The following SGTA variants were observed in gnomAD, a reference collection of about 807,000 sequenced individuals.
The protein encoded by SGTA is small glutamine-rich tetratricopeptide repeat-containing protein alpha.
Under a neutral mutation model 44.3 loss-of-function variants are expected in SGTA, and 22 were observed. The ratio of observed to expected loss-of-function variants is 0.50; its 90% CI spans 0.36 to 0.71. The LOEUF (loss-of-function observed/expected upper bound fraction) is 0.71. SGTA is among the 30% of genes least tolerant of loss of function. SGTA has a pLI of 0.00. For missense variants in SGTA, 341 were observed against 435.9 expected, an observed-to-expected ratio of 0.78 and a Z score of 1.94; for synonymous variants, 174 against 177.6, an observed-to-expected ratio of 0.98 and a Z score of 0.16.
At position 2,761,865 on chromosome 19, in the gene SGTA, CTA is replaced by C. The variant is rs1391715856; in HGVS notation, c.637-345_637-344del. On this transcript the variant is annotated intron_variant, in intron 7 of 11. Transcript: ENST00000221566. The surrounding 1 kb of genome is among the most constrained non-coding windows in gnomAD (Gnocchi z 5.7). The stretch of plus-strand genomic sequence containing the variant: ...CGCGACCGCCCGGGGACGGCACAGT[CTA>C]TCATCCCGTGTTTATTCCCCGTACA... 6.1e-3 allele frequency among the ~76,000 whole-genome samples: 906 copies of C among 147,694 alleles called. 9 individuals are homozygous for C. The highest frequency in any genetic ancestry group is 0.021 in the African/African-American group (839 of 39,590).
chr19:2,770,629 G>A (rs541419330), intron 1 of SGTA: 1 of 153,118 alleles, frequency 6.5e-6, no homozygotes, highest in Non-Finnish European at 1.5e-5. Flanking sequence ...CCTGGGACCT[G>A]AGCACGGGAC....
intron 1 of SGTA, among the ~76,000 whole-genome samples, chr19:2,775,589 C>A (rs1247811295): frequency 2.0e-5 from 3 of 152,204 alleles, no homozygotes; most frequent in African/African-American, 7.2e-5. Context: ...CCAAAGCACA[C>A]ACAGGGTGTG....
Position 2,760,565 on chromosome 19 carries a change from C to T in SGTA, c.699+895G>A, listed in dbSNP as rs562652931. On this transcript the variant is annotated intron_variant, in intron 8 of 11. Coordinates refer to ENST00000221566, the MANE Select transcript of SGTA (RefSeq NM_003021.4). Reference sequence around the variant, plus strand: ...ACCAAAAAAAACTTTATTAACAAAACCCAGCGGCGGGCCTTATTCTGCCAA... The same window carrying T: ...ACCAAAAAAAACTTTATTAACAAAATCCAGCGGCGGGCCTTATTCTGCCAA... 3.4e-5 allele frequency among the ~76,000 whole-genome samples: 5 copies of T among 147,318 alleles called. No homozygotes were observed. In the South Asian group the frequency reaches 1.1e-3, roughly 32 times the overall value.
intron 1 of SGTA, among the ~76,000 whole-genome samples, chr19:2,775,877 A>G (rs1915435789): frequency 6.6e-6 from 1 of 152,244 alleles, no homozygotes; most frequent in Non-Finnish European, 1.5e-5. Context: ...GAAATCTACA[A>G]GAGCTGTGTT....
At chr19:2,762,453 C>G in intron 7 of SGTA, 53 bp downstream of exon 7, 2 of 1,601,150 alleles carry the variant, frequency 1.2e-6, no homozygotes, top group Non-Finnish European at 8.5e-7. Flanking sequence ...ACCTGTCCCC[C>G]ACCCACACAG....
chr19:2,775,411 C>T (rs1915423394), intron 1 of SGTA, among the ~76,000 whole-genome samples: 1 of 152,252 alleles, frequency 6.6e-6, no homozygotes, highest in Non-Finnish European at 1.5e-5. Flanking sequence ...TAAACAGTGG[C>T]TGACGTCAGA....
Position 2,767,718 on chromosome 19 carries a change from T to C in SGTA, c.101-32A>G. ...CGGGGACAGAGGCGGTCCCATTCAT[T>C]GCACGCAGCCCCGAGGTTACGTTTT... On this transcript the variant is annotated intron_variant, in intron 2 of 11. Transcript: ENST00000221566. The surrounding 1 kb of genome is among the most constrained non-coding windows in gnomAD (Gnocchi z 7.3). 1 of 1,551,330 alleles carries C rather than the reference T, an allele frequency of 6.4e-7. No individual in the cohort carries two copies. The highest frequency in any genetic ancestry group is 8.9e-7 in the Non-Finnish European group (1 of 1,123,524).
rs765322420 is a variant in SGTA at position 2,757,789 on chromosome 19, G to C, written c.738-7C>G. On this transcript the variant is annotated splice_region_variant and splice_polypyrimidine_tract_variant and intron_variant, in intron 9 of 11. Coordinates refer to ENST00000221566, the MANE Select transcript of SGTA (RefSeq NM_003021.4). Reference sequence around the variant, plus strand: ...CGAAATCATGCCGGACATGCTGCAGGAGAGAGCGCGTGACTCGCAGCCGGG... The same window carrying C: ...CGAAATCATGCCGGACATGCTGCAGCAGAGAGCGCGTGACTCGCAGCCGGG... 1 of 1,574,714 alleles carries C rather than the reference G, an allele frequency of 6.4e-7. No homozygotes were observed.
chr19:2,771,619 A>G (rs571628902), intron 1 of SGTA, among the ~76,000 whole-genome samples: 3 of 147,684 alleles, frequency 2.0e-5, no homozygotes, highest in South Asian at 4.2e-4. Flanking sequence ...CACAACGCTG[A>G]GTGAACACCC....
intron 1 of SGTA, chr19:2,782,448 CCAGG>C (rs1915594419): frequency 6.6e-6 from 1 of 152,256 alleles, no homozygotes; most frequent in African/African-American, 2.4e-5. Context: ...TTATCAAGTT[CCAGG>C]CACCTGATCA....
Position 2,757,798 on chromosome 19 carries a change from C to G in SGTA, c.738-16G>C, listed in dbSNP as rs1245325070. 1 of 1,543,322 alleles carries G rather than the reference C, an allele frequency of 6.5e-7. No individual in the cohort carries two copies. On this transcript the variant is annotated splice_polypyrimidine_tract_variant and intron_variant, in intron 9 of 11. Transcript: ENST00000221566. ...GCCGGACATGCTGCAGGAGAGAGCG[C>G]GTGACTCGCAGCCGGGACAGCCTGA...
chr19:2,772,804 A>AGGTGGGC (rs1915345320), intron 1 of SGTA, among the ~76,000 whole-genome samples: 1 of 144,588 alleles, frequency 6.9e-6, no homozygotes, highest in African/African-American at 2.8e-5. Context: ...CCGAGGGCAG[A>AGGTGGGC]GATGGGTGAC....
At chr19:2,757,304 G>A (rs1256944654) in intron 11 of SGTA, 33 bp downstream of exon 11, 5 of 1,594,536 alleles carry the variant, frequency 3.1e-6, no homozygotes, top group Non-Finnish European at 4.2e-6. Context: ...ACTCCTGCTG[G>A]CCACCCCCCA....
rs559561025 is a variant in SGTA at position 2,770,635 on chromosome 19, G to A, written c.-23-1544C>T. 480 of 153,092 alleles carry A rather than the reference G, an allele frequency of 3.1e-3. 1 individual carries two copies. The highest frequency in any genetic ancestry group is 7.8e-3 in the Admixed American group (120 of 15,310). 9.5% of individuals were successfully genotyped at this position (153,092 alleles called of 1,614,324 possible). On this transcript the variant is annotated intron_variant, in intron 1 of 11. Coordinates refer to ENST00000221566, the MANE Select transcript of SGTA (RefSeq NM_003021.4). ...TCACGTCCACCTGGGACCTGAGCAC[G>A]GGACCTTGTCTGTGTCTTTGCAGAT... is the stretch of plus-strand genomic sequence containing the variant.
intron 1 of SGTA, among the ~76,000 whole-genome samples, 187 bp downstream of exon 1, chr19:2,783,046 G>A (rs1296757805): frequency 6.6e-6 from 1 of 152,252 alleles, no homozygotes; most frequent in African/African-American, 2.4e-5. Flanking sequence ...AGGGAGATCA[G>A]GGCTCGAAGG....
rs1441849079 is a variant in SGTA at position 2,754,898 on chromosome 19, CGACT to C, written c.*1038_*1041del. On this transcript the variant is annotated 3_prime_UTR_variant, in exon 12 of 12. Coordinates refer to ENST00000221566, the MANE Select transcript of SGTA (RefSeq NM_003021.4). This position sits in a 1 kb window ranked among gnomAD's most constrained non-coding sequence, Gnocchi z 4.4. ...GGAGCCAGGGAGCCCCAGGATGCTC[CGACT>C]GACAACCCTGCTGCTGGGACCACGG... The C allele has an allele frequency of 1.3e-5, 2 of 152,252 alleles. No individual in the cohort carries two copies. The highest frequency in any genetic ancestry group is 2.9e-5 in the Non-Finnish European group (2 of 68,118). The allele number at this position is 152,252 out of a possible 1,614,324, so 9.4% of individuals were successfully genotyped here.
intron 1 of SGTA, among the ~76,000 whole-genome samples, chr19:2,770,964 G>A (rs904246366): frequency 2.0e-5 from 3 of 152,244 alleles, no homozygotes; most frequent in African/African-American, 4.8e-5. Context: ...GGCGGTTCCC[G>A]GATCGTGGCC....
chr19:2,762,447 GTCCCCC>G, intron 7 of SGTA, 53 bp downstream of exon 7: 1 of 1,591,664 alleles, frequency 6.3e-7, no homozygotes, highest in Non-Finnish European at 8.6e-7. Flanking sequence ...CCGAGGACCT[GTCCCCC>G]ACCCACACAG....
chr19:2,782,397 C>T (rs1461004457), intron 1 of SGTA, among the ~76,000 whole-genome samples: 1 of 152,214 alleles, frequency 6.6e-6, no homozygotes, highest in Admixed American at 6.5e-5. Flanking sequence ...AATTTTCTGG[C>T]ACCTAATAAC....
Sources: allele counts gnomAD v4.1 joint callset (sites outside exome capture counted in the v4.1 genomes callset), GRCh38; gene constraint gnomAD v4.1.1; non-coding constraint Gnocchi (gnomAD v3.1); transcripts MANE v1.5; gene names NCBI Gene and HGNC (gene_info 2026-07-23, HGNC 2026-07-21).